Variants in LRRC1 observed in about 807,000 individuals in gnomAD.
LRRC1 encodes the protein leucine rich repeat containing 1, also known as leucine-rich repeat-containing protein 1.
In LRRC1, 28 loss-of-function variants were observed where a neutral mutation model predicts 69.9. The ratio of observed to expected loss-of-function variants is 0.40; its 90% confidence interval spans 0.30 to 0.55. LRRC1 has a LOEUF of 0.55. Among genes scored for constraint, LRRC1 ranks in the 20% least tolerant of loss-of-function variants. The pLI, the probability that LRRC1 is intolerant of heterozygous loss-of-function variation, is 0.47. For missense variants in LRRC1, 498 were observed against 609.0 expected (o/e 0.82, Z 1.92); for synonymous variants, 236 against 240.2 (o/e 0.98, Z 0.16).
intron 1 of LRRC1, among the ~76,000 whole-genome samples, chr6:53,825,475 G>C (rs1765229737): frequency 1.3e-5 from 2 of 152,154 alleles, no homozygotes; most frequent in Non-Finnish European, 2.9e-5. Context: ...AGTTAACACT[G>C]GGAATTGGCA....
At chr6:53,911,433 A>G (rs1171249026) in intron 10 of LRRC1, among the ~76,000 whole-genome samples, 1 of 152,224 alleles carries the variant, frequency 6.6e-6, no homozygotes, top group Non-Finnish European at 1.5e-5. Context: ...GTGGGAGGGC[A>G]GTGGACAGCT....
Position 53,832,082 on chromosome 6 carries a change from A to G in LRRC1, c.160-10028A>G, listed in dbSNP as rs574833166. 3.5e-4 allele frequency among the ~76,000 whole-genome samples: 53 copies of G among 152,252 alleles called. No homozygotes were observed. The South Asian group carries it at 0.011, about 31-fold the overall frequency. On this transcript the variant is annotated intron_variant, in intron 1 of 13. Coordinates refer to ENST00000370888, the MANE Select transcript of LRRC1 (RefSeq NM_018214.5). ...CTAACGCAGTTCCTCTGAACAACCC[A>G]TTCTTACTTGATGCCTCATAGGAAT...
intron 1 of LRRC1, among the ~76,000 whole-genome samples, chr6:53,833,867 A>G (rs1185881170): frequency 3.3e-5 from 5 of 152,230 alleles, no homozygotes; most frequent in Non-Finnish European, 7.3e-5. Context: ...CACCTGGCCT[A>G]TTAGTACATG....
chr6:53,816,857 C>G (rs547254764), intron 1 of LRRC1, among the ~76,000 whole-genome samples: 1 of 152,328 alleles, frequency 6.6e-6, no homozygotes, highest in East Asian at 1.9e-4. Flanking sequence ...AAATCCAGCT[C>G]TCTTCCCCCT....
At chr6:53,829,503 C>A (rs909597244) in intron 1 of LRRC1, among the ~76,000 whole-genome samples, 1 of 152,114 alleles carries the variant, frequency 6.6e-6, no homozygotes, top group Non-Finnish European at 1.5e-5. Context: ...TAAAGGAAAT[C>A]TTTGATGAGT....
At chr6:53,877,407 G>A (rs896807728) in intron 2 of LRRC1, among the ~76,000 whole-genome samples, 8 of 152,228 alleles carry the variant, frequency 5.3e-5, no homozygotes, top group East Asian at 1.9e-4. Context: ...TCAGCTTCTC[G>A]TTACTTATGC....
In LRRC1 at chr6:53,853,731, A is replaced by G. The variant is rs535564146; in HGVS notation, c.277+11504A>G. On this transcript the variant is annotated intron_variant, in intron 2 of 13. Transcript: ENST00000370888. ...CATTGCCAGAAGTGTAGTGATAATC[A>G]GGAAAGACAAATACTAGGAATGTAT... is the stretch of plus-strand genomic sequence containing the variant. 5.9e-5 allele frequency among the ~76,000 whole-genome samples: 9 copies of G among 152,366 alleles called. No homozygotes were observed. In the South Asian group the frequency reaches 1.9e-3, roughly 32 times the overall value.
chr6:53,866,367 C>T (rs1374432750), intron 2 of LRRC1, among the ~76,000 whole-genome samples: 1 of 152,158 alleles, frequency 6.6e-6, no homozygotes, highest in South Asian at 2.1e-4. Flanking sequence ...AAGATGCTGG[C>T]TGTGGAGTCA....
intron 1 of LRRC1, among the ~76,000 whole-genome samples, chr6:53,815,965 G>C (rs1247859180): frequency 6.6e-6 from 1 of 152,198 alleles, no homozygotes; most frequent in Non-Finnish European, 1.5e-5. Flanking sequence ...GAGTACCCAA[G>C]CATGTTGCTG....
At chr6:53,827,037 A>G (rs7755924) in intron 1 of LRRC1, among the ~76,000 whole-genome samples, 56,437 of 152,026 alleles carry the variant, frequency 0.37, 10,950 homozygotes, top group East Asian at 0.64. Context: ...GCTTGATCAT[A>G]AGAATTAACT....
intron 1 of LRRC1, among the ~76,000 whole-genome samples, chr6:53,809,247 G>A (rs1041370181): frequency 6.6e-6 from 1 of 152,218 alleles, no homozygotes; most frequent in African/African-American, 2.4e-5. Context: ...AGGCTCTAAT[G>A]TGCTTTCTGG....
At chr6:53,805,683 C>T (rs1047102387) in intron 1 of LRRC1, among the ~76,000 whole-genome samples, 4 of 152,202 alleles carry the variant, frequency 2.6e-5, no homozygotes, top group African/African-American at 9.7e-5. Flanking sequence ...ATGTGTTACT[C>T]TGTAGACAGT....
chr6:53,909,439 T>A (rs1045824322), intron 10 of LRRC1, among the ~76,000 whole-genome samples: 13 of 152,216 alleles, frequency 8.5e-5, no homozygotes, highest in Admixed American at 8.5e-4. Flanking sequence ...TGTTAAAGTG[T>A]GTATGTATAA....
At chr6:53,822,947 T>C (rs1363002278) in intron 1 of LRRC1, among the ~76,000 whole-genome samples, 1 of 152,210 alleles carries the variant, frequency 6.6e-6, no homozygotes, top group Non-Finnish European at 1.5e-5. Context: ...GAGCAAACGC[T>C]GTCATATGAT....
intron 2 of LRRC1, among the ~76,000 whole-genome samples, chr6:53,845,527 C>T (rs192425386): frequency 4.6e-5 from 7 of 152,248 alleles, no homozygotes; most frequent in East Asian, 1.9e-4. Flanking sequence ...CCCCAGATGG[C>T]GGTGCCTACT....
In LRRC1 at chr6:53,865,870, C is replaced by T. The variant is rs145982132; in HGVS notation, c.278-13123C>T. On this transcript the variant is annotated intron_variant, in intron 2 of 13. Transcript: ENST00000370888. ...CTGAGTAGCTGGGATTACAGGCACGCGCCACCATGCCCAGCTAATTTTTGT... is the reference window on the plus strand; with the variant it reads ...CTGAGTAGCTGGGATTACAGGCACGTGCCACCATGCCCAGCTAATTTTTGT... Among the ~76,000 whole-genome samples, 918 of 151,816 alleles carry T rather than the reference C, an allele frequency of 6.0e-3. 13 individuals are homozygous for T. Among genetic ancestry groups the T allele is most frequent in the African/African-American group, 0.017 (709 of 41,304 alleles).
At chr6:53,914,833 TCA>T in intron 11 of LRRC1, among the ~76,000 whole-genome samples, 1 of 152,172 alleles carries the variant, frequency 6.6e-6, no homozygotes, top group East Asian at 1.9e-4. Context: ...GCCATGGCAG[TCA>T]CAGTACCATA....
intron 4 of LRRC1, among the ~76,000 whole-genome samples, chr6:53,885,605 A>C (rs1767447548): frequency 6.6e-6 from 1 of 152,214 alleles, no homozygotes; most frequent in Admixed American, 6.5e-5. Flanking sequence ...CTCAAGCTTC[A>C]GTGAAGATAG....
At chr6:53,894,831 G>T (rs750817223) in intron 4 of LRRC1, among the ~76,000 whole-genome samples, 5 of 152,130 alleles carry the variant, frequency 3.3e-5, no homozygotes, top group Non-Finnish European at 7.3e-5. Context: ...ACTTGGTCAA[G>T]AGAAAGTAGA....
Sources: allele counts gnomAD v4.1 joint callset (sites outside exome capture counted in the v4.1 genomes callset), GRCh38; gene constraint gnomAD v4.1.1; transcripts MANE v1.5; gene names NCBI Gene and HGNC (gene_info 2026-07-23, HGNC 2026-07-21).